The following HMGN3 variants were observed in gnomAD, a reference collection of about 807,000 sequenced individuals.
HMGN3 encodes the protein high mobility group nucleosome-binding domain-containing protein 3.
A neutral mutation model predicts 18.8 loss-of-function variants in HMGN3; 6 were observed. That is an observed-to-expected ratio of 0.32 (90% confidence interval 0.18 to 0.63). The LOEUF (loss-of-function observed/expected upper bound fraction) is 0.63, where lower values mean the gene tolerates loss of function less well. Ranked by LOEUF, HMGN3 falls within the 30% of genes least tolerant of loss-of-function variation. The probability of loss-of-function intolerance (pLI) is 0.79; values close to 1 mark genes in which losing one functional copy is unlikely to be tolerated. For synonymous variants in HMGN3, 40 were observed against 36.5 expected (o/e 1.10, Z -0.35); for missense variants, 107 against 114.2 (o/e 0.94, Z 0.29).
intron 2 of HMGN3, among the ~76,000 whole-genome samples, chr6:79,211,438 A>G (rs1006729817): frequency 7.3e-5 from 11 of 150,396 alleles, no homozygotes; most frequent in Non-Finnish European, 1.2e-4. Context: ...CTACGAGGGG[A>G]AAAAAAAGCT....
chr6:79,211,842 T>A (rs539006038), intron 2 of HMGN3, among the ~76,000 whole-genome samples: 2 of 152,144 alleles, frequency 1.3e-5, no homozygotes, highest in African/African-American at 2.4e-5. Flanking sequence ...AAAAGCAACA[T>A]AGAAGTCTAA....
chr6:79,226,704 ATTT>A (rs1777583108), intron 1 of HMGN3, among the ~76,000 whole-genome samples: 1 of 152,190 alleles, frequency 6.6e-6, no homozygotes, highest in Admixed American at 6.5e-5. Flanking sequence ...AATTACTGAC[ATTT>A]CTCTTAAAAT....
At chr6:79,222,024 G>A (rs545217216) in intron 1 of HMGN3, among the ~76,000 whole-genome samples, 7 of 151,020 alleles carry the variant, frequency 4.6e-5, no homozygotes, top group African/African-American at 1.7e-4. Context: ...ATTGTTTTAC[G>A]ACTTCAGCGA....
chr6:79,228,420 A>G (rs1037717373), intron 1 of HMGN3, among the ~76,000 whole-genome samples: 1 of 152,190 alleles, frequency 6.6e-6, no homozygotes, highest in Non-Finnish European at 1.5e-5. Context: ...CCATATCAAT[A>G]TTTAACTCAA....
intron 1 of HMGN3, among the ~76,000 whole-genome samples, chr6:79,233,528 A>T (rs957235614): frequency 1.3e-5 from 2 of 152,190 alleles, no homozygotes; most frequent in Non-Finnish European, 2.9e-5. Flanking sequence ...GGAAACACTG[A>T]GGCTGGCGGT....
chr6:79,206,744 T>C (rs1282829427), intron 3 of HMGN3, among the ~76,000 whole-genome samples: 2 of 152,168 alleles, frequency 1.3e-5, no homozygotes, highest in Admixed American at 6.5e-5. Context: ...GAATGGTAGA[T>C]TCACTGTCAG....
intron 1 of HMGN3, among the ~76,000 whole-genome samples, chr6:79,223,207 G>A (rs571228789): frequency 3.3e-5 from 5 of 152,196 alleles, no homozygotes; most frequent in East Asian, 1.9e-4. Context: ...GGCAAAATCC[G>A]TCTCTACTAA....
chr6:79,230,421 C>T (rs1777783854), intron 1 of HMGN3, among the ~76,000 whole-genome samples: 2 of 152,150 alleles, frequency 1.3e-5, no homozygotes, highest in African/African-American at 4.8e-5. Context: ...GATGAATGGA[C>T]TTTATAGTAA....
At chr6:79,206,346 G>A (rs1776419367) in intron 3 of HMGN3, among the ~76,000 whole-genome samples, 1 of 152,126 alleles carries the variant, frequency 6.6e-6, no homozygotes, top group African/African-American at 2.4e-5. Context: ...TCGTGGGCCT[G>A]ACCCAGGGTC....
At chr6:79,209,828 T>A (rs1364740593) in intron 2 of HMGN3, among the ~76,000 whole-genome samples, 3 of 152,208 alleles carry the variant, frequency 2.0e-5, no homozygotes, top group Non-Finnish European at 4.4e-5. Flanking sequence ...TCATCTTTCT[T>A]TAAACTACAG....
intron 1 of HMGN3, among the ~76,000 whole-genome samples, chr6:79,219,799 AAT>A (rs1777177989): frequency 6.6e-6 from 1 of 152,198 alleles, no homozygotes; most frequent in South Asian, 2.1e-4. Flanking sequence ...AAATCTTTAA[AAT>A]CTGGTGTTCG....
chr6:79,223,549 A>G (rs1777411834), intron 1 of HMGN3, among the ~76,000 whole-genome samples: 2 of 151,980 alleles, frequency 1.3e-5, no homozygotes, highest in South Asian at 4.1e-4. Flanking sequence ...AACACCCACA[A>G]AAAACAATTA....
At chr6:79,205,620 A>G (rs1776386260) in intron 3 of HMGN3, among the ~76,000 whole-genome samples, 1 of 152,212 alleles carries the variant, frequency 6.6e-6, no homozygotes. Flanking sequence ...CTTTATCAGC[A>G]GCGTGAAAAT....
At chr6:79,218,349 A>G (rs1353484397) in intron 1 of HMGN3, among the ~76,000 whole-genome samples, 3 of 152,230 alleles carry the variant, frequency 2.0e-5, no homozygotes, top group Non-Finnish European at 4.4e-5. Context: ...AAGGATATAG[A>G]AAGCATGAAA....
At chr6:79,229,332 A>G (rs1489302574) in intron 1 of HMGN3, among the ~76,000 whole-genome samples, 1 of 152,240 alleles carries the variant, frequency 6.6e-6, no homozygotes, top group Admixed American at 6.5e-5. Context: ...TCAGACTTAT[A>G]AAGAACTCTT....
chr6:79,225,696 A>G (rs1285568631), intron 1 of HMGN3, among the ~76,000 whole-genome samples: 1 of 152,246 alleles, frequency 6.6e-6, no homozygotes, highest in Non-Finnish European at 1.5e-5. Context: ...AGAAAATTAT[A>G]AAGAGTCAGA....
At chr6:79,230,882 T>C (rs1433361374) in intron 1 of HMGN3, among the ~76,000 whole-genome samples, 1 of 152,250 alleles carries the variant, frequency 6.6e-6, no homozygotes, top group African/African-American at 2.4e-5. Context: ...TAATATTCTT[T>C]TCAAAATTAA....
intron 1 of HMGN3, among the ~76,000 whole-genome samples, chr6:79,226,374 C>A (rs13217071): frequency 0.067 from 10,122 of 152,100 alleles, 361 homozygotes; most frequent in South Asian, 0.1. Flanking sequence ...GAACGGGAAA[C>A]GGACACACCT....
chr6:79,206,191 C>T (rs1776412603), intron 3 of HMGN3, among the ~76,000 whole-genome samples: 1 of 152,190 alleles, frequency 6.6e-6, no homozygotes, highest in Non-Finnish European at 1.5e-5. Flanking sequence ...AGGAGAAATT[C>T]AATCCGGCTG....
Sources: gnomAD v4.1 joint callset for allele counts (sites outside exome capture counted in the v4.1 genomes callset) on GRCh38, gnomAD v4.1.1 for gene constraint, MANE v1.5 for transcripts, NCBI Gene and HGNC (gene_info 2026-07-23, HGNC 2026-07-21) for gene names.